DENND1A: variants seen among roughly 807,000 people sequenced by gnomAD.
DENND1A encodes DENN domain containing 1A, also known as DENN domain-containing protein 1A.
Under a neutral mutation model 113.7 loss-of-function variants are expected in DENND1A, and 51 were observed. That is an observed-to-expected ratio of 0.45 (90% CI 0.36 to 0.57). The LOEUF (loss-of-function observed/expected upper bound fraction) is 0.57. Among genes scored for constraint, DENND1A ranks in the 20% least tolerant of loss-of-function variants. The pLI is 0.00. For missense variants in DENND1A, 1,258 were observed against 1,395.9 expected, an observed-to-expected ratio of 0.90 and a Z score of 1.57; for synonymous variants, 565 against 570.8, an observed-to-expected ratio of 0.99 and a Z score of 0.14.
intron 19 of DENND1A, among the ~76,000 whole-genome samples, chr9:123,428,764 C>G (rs916537293): frequency 1.3e-5 from 2 of 151,956 alleles, no homozygotes; most frequent in Non-Finnish European, 2.9e-5. Flanking sequence ...AAGCAGAGAG[C>G]CAAATCATGA....
At chr9:123,634,476 T>C (rs750982084) in intron 9 of DENND1A, among the ~76,000 whole-genome samples, 1 of 152,244 alleles carries the variant, frequency 6.6e-6, no homozygotes, top group African/African-American at 2.4e-5. Flanking sequence ...CTCTGTTCTA[T>C]AAAGTATCAC....
At chr9:123,509,470 C>T (rs191012645) in intron 13 of DENND1A, among the ~76,000 whole-genome samples, 86 of 152,308 alleles carry the variant, frequency 5.6e-4, no homozygotes, top group Admixed American at 9.2e-4. Context: ...CGTAGCATAG[C>T]GTCTTACACA....
At chr9:123,822,882 GCCTTTCTTAA>G (rs1165386976) in intron 2 of DENND1A, among the ~76,000 whole-genome samples, 1 of 152,152 alleles carries the variant, frequency 6.6e-6, no homozygotes, top group African/African-American at 2.4e-5. Flanking sequence ...CTACTTGTGG[GCCTTTCTTAA>G]CGCTTACGAT....
intron 19 of DENND1A, among the ~76,000 whole-genome samples, chr9:123,431,309 C>T (rs1261188822): frequency 6.6e-6 from 1 of 152,108 alleles, no homozygotes; most frequent in Admixed American, 6.5e-5. Context: ...GGGTCTAGGG[C>T]TAAGTTTGAG....
intron 9 of DENND1A, among the ~76,000 whole-genome samples, chr9:123,635,100 G>A (rs2061641241): frequency 6.6e-6 from 1 of 151,492 alleles, no homozygotes; most frequent in Non-Finnish European, 1.5e-5. Flanking sequence ...TTTTTTTTCA[G>A]TCATTTCTCA....
intron 10 of DENND1A, among the ~76,000 whole-genome samples, chr9:123,625,188 C>T (rs980080982): frequency 2.0e-5 from 3 of 152,126 alleles, no homozygotes; most frequent in Non-Finnish European, 4.4e-5. Context: ...ACGTCTGTAT[C>T]AGGAAAAGTT....
At chr9:123,814,373 T>C (rs1194708786) in intron 2 of DENND1A, among the ~76,000 whole-genome samples, 1 of 152,164 alleles carries the variant, frequency 6.6e-6, no homozygotes, top group Non-Finnish European at 1.5e-5. Context: ...CAGCATTTCT[T>C]TGCAAATGTT....
chr9:123,402,614 G>T (rs754874230), intron 21 of DENND1A: 1 of 534,738 alleles, frequency 1.9e-6, no homozygotes, highest in Non-Finnish European at 3.8e-6. Flanking sequence ...CTTTTTCAAG[G>T]CATCACAGGA....
intron 2 of DENND1A, among the ~76,000 whole-genome samples, chr9:123,837,928 A>T (rs149655617): frequency 2.3e-4 from 35 of 152,332 alleles, no homozygotes; most frequent in African/African-American, 7.9e-4. Context: ...TGAAACCTCT[A>T]TGATGGGACC....
At chr9:123,732,444 T>C (rs753448560) in intron 5 of DENND1A, among the ~76,000 whole-genome samples, 7 of 152,136 alleles carry the variant, frequency 4.6e-5, no homozygotes, top group Non-Finnish European at 8.8e-5. Flanking sequence ...CTCCAAAAGG[T>C]AATACCATAT....
At chr9:123,465,076 G>A (rs940847132) in intron 13 of DENND1A, among the ~76,000 whole-genome samples, 6 of 150,810 alleles carry the variant, frequency 4.0e-5, no homozygotes, top group African/African-American at 1.5e-4. Context: ...AGCTACTCGA[G>A]AGGCTGAGGC....
At chr9:123,741,109 A>G (rs903985592) in intron 5 of DENND1A, among the ~76,000 whole-genome samples, 8 of 152,216 alleles carry the variant, frequency 5.3e-5, no homozygotes, top group Non-Finnish European at 5.9e-5. Flanking sequence ...TTCTTCTTTC[A>G]AAGTTTCCAT....
chr9:123,755,973 C>T (rs1388619003), intron 5 of DENND1A, among the ~76,000 whole-genome samples: 2 of 152,106 alleles, frequency 1.3e-5, no homozygotes, highest in South Asian at 2.1e-4. Flanking sequence ...TACAGTGGCA[C>T]GATCTTGGCT....
intron 13 of DENND1A, among the ~76,000 whole-genome samples, chr9:123,517,394 T>C (rs907390456): frequency 6.6e-6 from 1 of 151,812 alleles, no homozygotes; most frequent in Non-Finnish European, 1.5e-5. Flanking sequence ...CCAAGGTGGG[T>C]GGATCACTTG....
chr9:123,720,529 C>T (rs1188498430), intron 5 of DENND1A, among the ~76,000 whole-genome samples: 1 of 152,182 alleles, frequency 6.6e-6, no homozygotes, highest in Non-Finnish European at 1.5e-5. Context: ...AGATTTGCCC[C>T]TCTGATCCTT....
Position 123,929,882 on chromosome 9 carries a change from C to A in DENND1A, c.17+7G>T. ...GGCCCGGCTCCGCCCGGCCCGGCCG[C>A]ACTCACTTGATCCTGGAGCCCATGG... On this transcript the variant is annotated splice_region_variant and intron_variant, in intron 1 of 23. Coordinates refer to ENST00000394215, the MANE Select transcript of DENND1A (RefSeq NM_001352964.2). 1 of 321,404 alleles carries A rather than the reference C, an allele frequency of 3.1e-6. No homozygotes were observed. 19.9% of individuals were successfully genotyped at this position (321,404 alleles called of 1,614,324 possible). A position where few individuals can be genotyped will look rare whatever the true frequency, so the allele number is the denominator to read the frequency against.
chr9:123,695,768 A>G (rs2065474649), intron 5 of DENND1A, among the ~76,000 whole-genome samples: 1 of 152,242 alleles, frequency 6.6e-6, no homozygotes, highest in East Asian at 1.9e-4. Flanking sequence ...CACCCGTGGC[A>G]GACTACCAAC....
chr9:123,827,392 A>AATATATATATAT (rs56805562), intron 2 of DENND1A, among the ~76,000 whole-genome samples: 39 of 140,784 alleles, frequency 2.8e-4, no homozygotes, highest in African/African-American at 9.3e-4. Context: ...ATGGATATAT[A>AATATATATATAT]ATATATATAT....
chr9:123,417,584 A>G (rs1251086473), intron 19 of DENND1A, among the ~76,000 whole-genome samples: 1 of 152,202 alleles, frequency 6.6e-6, no homozygotes, highest in Non-Finnish European at 1.5e-5. Flanking sequence ...AAATTTCCAA[A>G]GTCACCTGGA....
Sources: gnomAD v4.1 joint callset for allele counts (sites outside exome capture counted in the v4.1 genomes callset) on GRCh38, gnomAD v4.1.1 for gene constraint, MANE v1.5 for transcripts, NCBI Gene and HGNC (gene_info 2026-07-23, HGNC 2026-07-21) for gene names.